The following CDH11 variants were observed in gnomAD, a reference collection of about 807,000 sequenced individuals.
CDH11 encodes cadherin 11, also known as cadherin-11.
In CDH11, 11 loss-of-function variants were observed where a neutral mutation model predicts 67.8. That is an observed-to-expected ratio of 0.16 (90% confidence interval 0.10 to 0.27). The LOEUF (loss-of-function observed/expected upper bound fraction) is 0.27, where lower values mean the gene tolerates loss of function less well. Among genes scored for constraint, CDH11 ranks in the 10% least tolerant of loss-of-function variants. CDH11 has a pLI of 1.00. For synonymous variants in CDH11, 419 were observed against 400.0 expected (o/e 1.05, Z -0.57); for missense variants, 847 against 1,031.2 (o/e 0.82, Z 2.45).
At chr16:65,096,443 G>GTGTA (rs71143551) in intron 1 of CDH11, among the ~76,000 whole-genome samples, 15,618 of 138,014 alleles carry the variant, frequency 0.11, 954 homozygotes, top group South Asian at 0.14. Flanking sequence ...GTGTGTGTGT[G>GTGTA]TATATATATG....
intron 1 of CDH11, among the ~76,000 whole-genome samples, chr16:65,068,193 T>C (rs1163862492): frequency 9.3e-6 from 1 of 108,070 alleles, no homozygotes; most frequent in Non-Finnish European, 1.9e-5. Flanking sequence ...AGGAAGGAAA[T>C]GAGAGAAGAA....
At chr16:65,015,405 A>G (rs1050697879) in intron 2 of CDH11, among the ~76,000 whole-genome samples, 4 of 152,100 alleles carry the variant, frequency 2.6e-5, no homozygotes, top group Admixed American at 1.3e-4. Flanking sequence ...ACTGAGATAC[A>G]GAGATGATAA....
At chr16:64,970,013 A>C (rs750224461) in intron 11 of CDH11, among the ~76,000 whole-genome samples, 5 of 152,206 alleles carry the variant, frequency 3.3e-5, no homozygotes, top group Admixed American at 6.5e-5. Flanking sequence ...ATACAAACTT[A>C]AAGAGTGTTA....
chr16:65,054,184 C>T (rs1053745836), intron 1 of CDH11, among the ~76,000 whole-genome samples: 3 of 152,174 alleles, frequency 2.0e-5, no homozygotes, highest in African/African-American at 7.2e-5. Context: ...AAAAGCAATC[C>T]TACACACAAC....
intron 1 of CDH11, among the ~76,000 whole-genome samples, chr16:65,101,443 A>G (rs1199283195): frequency 6.6e-6 from 1 of 152,196 alleles, no homozygotes; most frequent in African/African-American, 2.4e-5. Context: ...ATTCCAGGTC[A>G]TCAGTTTGGG....
chr16:64,971,868 T>TA, intron 10 of CDH11, 63 bp downstream of exon 10: 1 of 1,582,600 alleles, frequency 6.3e-7, no homozygotes, highest in Non-Finnish European at 8.7e-7. Context: ...AGTGATGGTT[T>TA]AAAAAACACA....
chr16:65,105,400 A>G (rs2142867805), intron 1 of CDH11, among the ~76,000 whole-genome samples: 1 of 152,242 alleles, frequency 6.6e-6, no homozygotes, highest in African/African-American at 2.4e-5. Flanking sequence ...CCTACTGGAT[A>G]ACCTCCATCA....
Position 64,998,546 on chromosome 16 carries a change from C to T in CDH11, c.523+16G>A. On this transcript the variant is annotated intron_variant, in intron 4 of 12. Transcript: ENST00000268603. ...CCAGGCCTGGAAGCAGAGCAGGCCT[C>T]CCACACCGTACGCACCCACATTGGA... 1 of 1,610,710 alleles carries T rather than the reference C, an allele frequency of 6.2e-7. No homozygotes were observed. Among genetic ancestry groups the T allele is most frequent in the South Asian group, 1.1e-5 (1 of 90,980 alleles).
intron 1 of CDH11, among the ~76,000 whole-genome samples, chr16:65,062,682 T>A (rs902012715): frequency 2.0e-5 from 3 of 152,228 alleles, no homozygotes; most frequent in Non-Finnish European, 2.9e-5. Flanking sequence ...TGCTTGTCTA[T>A]AAACTCCACA....
chr16:64,993,549 A>G (rs569999441), intron 4 of CDH11, among the ~76,000 whole-genome samples: 1 of 152,268 alleles, frequency 6.6e-6, no homozygotes, highest in South Asian at 2.1e-4. Flanking sequence ...TAATTAATTT[A>G]TGGCCATAAA....
At chr16:65,071,492 T>A (rs1038367226) in intron 1 of CDH11, among the ~76,000 whole-genome samples, 26 of 152,010 alleles carry the variant, frequency 1.7e-4, no homozygotes, top group African/African-American at 5.8e-4. Context: ...GAGTAAGGGG[T>A]TACGTAGTGG....
intron 8 of CDH11, among the ~76,000 whole-genome samples, chr16:64,978,837 T>TA (rs1167109920): frequency 6.6e-6 from 1 of 152,108 alleles, no homozygotes; most frequent in African/African-American, 2.4e-5. Context: ...AGTTTATTTT[T>TA]AAAAAATGTG....
chr16:64,950,744 A>T (rs368601615), intron 12 of CDH11, 23 bp downstream of exon 12: 4 of 1,606,934 alleles, frequency 2.5e-6, no homozygotes, highest in Non-Finnish European at 3.4e-6. Context: ...CCCTTCCTGC[A>T]GGGGACCAGG....
At chr16:65,039,957 G>A (rs551318328) in intron 2 of CDH11, among the ~76,000 whole-genome samples, 1 of 152,090 alleles carries the variant, frequency 6.6e-6, no homozygotes, top group Non-Finnish European at 1.5e-5. Context: ...ACGTGAAAAA[G>A]TTCTCATCAT....
intron 8 of CDH11, among the ~76,000 whole-genome samples, chr16:64,974,517 T>C (rs891484531): frequency 3.3e-5 from 5 of 152,288 alleles, no homozygotes; most frequent in African/African-American, 9.6e-5. Context: ...TCCCAGATCA[T>C]GTTCTTTTCA....
chr16:65,092,361 C>G (rs1597183783), intron 1 of CDH11, among the ~76,000 whole-genome samples: 1 of 152,234 alleles, frequency 6.6e-6, no homozygotes, highest in East Asian at 1.9e-4. Flanking sequence ...CACAGCTTTC[C>G]AGTGACGGCA....
chr16:65,111,376 G>A (rs925861422), intron 1 of CDH11, among the ~76,000 whole-genome samples: 8 of 152,214 alleles, frequency 5.3e-5, no homozygotes, highest in African/African-American at 1.4e-4. Context: ...ACATGGTCAC[G>A]CCTGGAAGCA....
At chr16:65,024,137 T>C (rs2073485853) in intron 2 of CDH11, among the ~76,000 whole-genome samples, 1 of 152,284 alleles carries the variant, frequency 6.6e-6, no homozygotes, top group African/African-American at 2.4e-5. Context: ...CACTGTACTT[T>C]TGTGAAATTT....
chr16:64,948,791 GGAGGGGT>G, intron 12 of CDH11: 1 of 1,585,676 alleles, frequency 6.3e-7, no homozygotes, highest in South Asian at 1.1e-5. Context: ...GGGCAACCTA[GGAGGGGT>G]GATCAGAGTC....
Sources: allele counts gnomAD v4.1 joint callset (sites outside exome capture counted in the v4.1 genomes callset), GRCh38; gene constraint gnomAD v4.1.1; transcripts MANE v1.5; gene names NCBI Gene and HGNC (gene_info 2026-07-23, HGNC 2026-07-21).